MARK3: variants seen among roughly 807,000 people sequenced by gnomAD.
MARK3 encodes the protein microtubule affinity regulating kinase 3.
Under a neutral mutation model 90.1 loss-of-function variants are expected in MARK3, and 46 were observed. That is an observed-to-expected ratio of 0.51 (90% CI 0.40 to 0.65). The LOEUF is 0.65. MARK3 is among the 30% of genes least tolerant of loss of function. The probability of loss-of-function intolerance (pLI) is 0.00; values close to 1 mark genes in which losing one functional copy is unlikely to be tolerated. For synonymous variants in MARK3, 321 were observed against 332.6 expected (o/e 0.97, Z 0.38); for missense variants, 818 against 947.2 (o/e 0.86, Z 1.79).
intron 5 of MARK3, among the ~76,000 whole-genome samples, chr14:103,453,377 T>C (rs568333231): frequency 6.6e-6 from 1 of 152,350 alleles, no homozygotes; most frequent in African/African-American, 2.4e-5. Flanking sequence ...GGGTACACAT[T>C]CTGTTAAACT....
At chr14:103,480,591 CTG>C (rs1384319550) in intron 14 of MARK3, 101 bp downstream of exon 14, 2 of 683,534 alleles carry the variant, frequency 2.9e-6, no homozygotes, top group East Asian at 5.4e-5. Context: ...CAAATTAAAA[CTG>C]TAAGTATTCT....
chr14:103,495,579 G>A (rs901786160), intron 15 of MARK3, among the ~76,000 whole-genome samples: 5 of 152,052 alleles, frequency 3.3e-5, no homozygotes, highest in African/African-American at 9.7e-5. Context: ...AGTTGCAGGC[G>A]TGACAGTTGC....
intron 7 of MARK3, 38 bp downstream of exon 7, chr14:103,462,499 G>A: frequency 6.7e-7 from 1 of 1,502,456 alleles, no homozygotes; most frequent in Non-Finnish European, 9.2e-7. Flanking sequence ...TGCTCTGTCT[G>A]TTTGTGTGCA....
In MARK3 at chr14:103,503,383, C is replaced by G. The variant is rs1384439751; in HGVS notation, c.*156C>G. 1.4e-6 allele frequency: 1 copy of G among 690,748 alleles called. No individual in the cohort carries two copies. The highest frequency in any genetic ancestry group is 2.8e-5 in the East Asian group (1 of 36,334). The allele number at this position is 690,748 out of a possible 1,614,324, so 42.8% of individuals were successfully genotyped here. Reference sequence around the variant, plus strand: ...AGCACGCCTGGGAGCGAAAGCTGGCCTTTTTTCTACGAATGCACTACATTA... The same window carrying G: ...AGCACGCCTGGGAGCGAAAGCTGGCGTTTTTTCTACGAATGCACTACATTA... On this transcript the variant is annotated 3_prime_UTR_variant, in exon 18 of 18. Transcript: ENST00000429436.
chr14:103,462,303 C>G (rs769882829), intron 6 of MARK3, 102 bp from the exon 7 acceptor site: 45 of 764,468 alleles, frequency 5.9e-5, no homozygotes, highest in Non-Finnish European at 8.7e-5. Context: ...GACATTCGAG[C>G]GTATACTGAG....
intron 2 of MARK3, among the ~76,000 whole-genome samples, chr14:103,419,121 TA>T (rs1331501045): frequency 1.3e-5 from 2 of 152,056 alleles, no homozygotes; most frequent in Non-Finnish European, 2.9e-5. Context: ...ACCCCGTCTC[TA>T]CTAAAAATAC....
intron 1 of MARK3, among the ~76,000 whole-genome samples, chr14:103,392,575 G>A (rs1653668330): frequency 6.6e-6 from 1 of 152,064 alleles, no homozygotes; most frequent in Non-Finnish European, 1.5e-5. Context: ...GTGAAGGCTT[G>A]CTAACTAAAC....
chr14:103,451,886 C>G, intron 4 of MARK3, 32 bp from the exon 5 acceptor site: 3 of 1,542,872 alleles, frequency 1.9e-6, no homozygotes, highest in African/African-American at 1.4e-5. Flanking sequence ...ACATTTGTCT[C>G]TTTTTCTTCC....
At position 103,457,032 on chromosome 14, in the gene MARK3, T is replaced by G. The variant is rs920984812; in HGVS notation, c.413-110T>G. 5 of 618,732 alleles carry G rather than the reference T, an allele frequency of 8.1e-6. No individual in the cohort carries two copies. In the South Asian group the frequency reaches 1.2e-4, roughly 15 times the overall value. 38.3% of individuals were successfully genotyped at this position (618,732 alleles called of 1,614,324 possible). A position where few individuals can be genotyped will look rare whatever the true frequency, so the allele number is the denominator to read the frequency against. On this transcript the variant is annotated intron_variant, in intron 5 of 17. Transcript: ENST00000429436. ...AATTCCACATATTTCTGGCTAACTTTATATCTATATTTAAAAATTAGAGCA... is the reference window on the plus strand; with the variant it reads ...AATTCCACATATTTCTGGCTAACTTGATATCTATATTTAAAAATTAGAGCA...
intron 1 of MARK3, among the ~76,000 whole-genome samples, chr14:103,395,663 A>G (rs1250576238): frequency 6.6e-6 from 1 of 152,168 alleles, no homozygotes; most frequent in Non-Finnish European, 1.5e-5. Context: ...CTCAGAGGTA[A>G]ATTTTTAAAA....
At chr14:103,466,852 A>G (rs1453342682) in intron 10 of MARK3, among the ~76,000 whole-genome samples, 2 of 151,936 alleles carry the variant, frequency 1.3e-5, no homozygotes, top group African/African-American at 4.8e-5. Context: ...TAAAACTACA[A>G]AATTAGCCAG....
intron 2 of MARK3, among the ~76,000 whole-genome samples, chr14:103,421,151 G>GTGTGC (rs2092202788): frequency 6.6e-6 from 1 of 152,214 alleles, no homozygotes; most frequent in Non-Finnish European, 1.5e-5. Context: ...TTTCACTCAA[G>GTGTGC]TGTGCGTTAC....
intron 6 of MARK3, chr14:103,458,609 A>G (rs1460149230): frequency 6.1e-6 from 3 of 494,710 alleles, no homozygotes; most frequent in African/African-American, 3.9e-5. Context: ...GACGAAGGAA[A>G]GGAGCAGTGC....
chr14:103,421,935 T>A (rs753129255), intron 2 of MARK3, among the ~76,000 whole-genome samples: 2 of 152,212 alleles, frequency 1.3e-5, no homozygotes, highest in Non-Finnish European at 2.9e-5. Context: ...ACACACAGTT[T>A]AAAGAGTCAA....
intron 1 of MARK3, 171 bp downstream of exon 1, chr14:103,386,251 T>A: frequency 1.4e-6 from 1 of 730,118 alleles, no homozygotes; most frequent in South Asian, 1.5e-5. Context: ...AAGTCTGCCG[T>A]GTCCCGCTGT....
chr14:103,498,107 C>G (rs2075444081), intron 15 of MARK3, among the ~76,000 whole-genome samples: 1 of 151,962 alleles, frequency 6.6e-6, no homozygotes, highest in African/African-American at 2.4e-5. Flanking sequence ...ATTCCAGCTA[C>G]TCAGGAGACT....
intron 2 of MARK3, chr14:103,412,777 G>A (rs1279336661): frequency 1.7e-5 from 8 of 474,744 alleles, no homozygotes; most frequent in Middle Eastern, 4.1e-4. Context: ...CTCATGCCAC[G>A]CTAACCAGAA....
intron 3 of MARK3, among the ~76,000 whole-genome samples, chr14:103,434,689 T>C (rs1362630594): frequency 1.3e-5 from 2 of 152,212 alleles, no homozygotes; most frequent in African/African-American, 2.4e-5. Flanking sequence ...TTATAGGGCT[T>C]CTGAAATTGA....
At chr14:103,438,158 G>A (rs1447484352) in intron 3 of MARK3, among the ~76,000 whole-genome samples, 4 of 152,136 alleles carry the variant, frequency 2.6e-5, no homozygotes, top group Non-Finnish European at 4.4e-5. Flanking sequence ...CCGCCACCAC[G>A]CCCAGCTAAT....
Sources: allele counts gnomAD v4.1 joint callset (sites outside exome capture counted in the v4.1 genomes callset), GRCh38; gene constraint gnomAD v4.1.1; transcripts MANE v1.5; gene names NCBI Gene and HGNC (gene_info 2026-07-23, HGNC 2026-07-21).